SHTN1: variants seen among roughly 807,000 people sequenced by gnomAD.
SHTN1 encodes the protein shootin-1.
Under a neutral mutation model 83.1 loss-of-function variants are expected in SHTN1, and 42 were observed. That is an observed-to-expected ratio of 0.51 (90% CI 0.39 to 0.65). The LOEUF (loss-of-function observed/expected upper bound fraction) is 0.65. Among genes scored for constraint, SHTN1 ranks in the 30% least tolerant of loss-of-function variants. SHTN1 has a pLI of 0.00. For missense variants in SHTN1, 622 were observed against 737.8 expected (o/e 0.84, Z 1.82); for synonymous variants, 224 against 247.7 (o/e 0.90, Z 0.90).
rs1030948358 is a variant in SHTN1 at position 116,980,501 on chromosome 10, C to A, written c.59-1193G>T. Among the ~76,000 whole-genome samples the A allele has an allele frequency of 2.0e-5, 3 of 151,454 alleles. No homozygotes were observed. In the South Asian group the frequency reaches 6.2e-4, roughly 32 times the overall value. On this transcript the variant is annotated intron_variant, in intron 1 of 16. Coordinates refer to ENST00000355371, the MANE Select transcript of SHTN1 (RefSeq NM_001127211.3). Reference sequence around the variant, plus strand: ...GTAGAGATGGGGTCTTGCTATTTTGCCCAGCCTGGTCACAATTTGAACTTT... The same window carrying A: ...GTAGAGATGGGGTCTTGCTATTTTGACCAGCCTGGTCACAATTTGAACTTT...
At chr10:116,984,559 T>G (rs1413083330) in intron 1 of SHTN1, among the ~76,000 whole-genome samples, 1 of 152,152 alleles carries the variant, frequency 6.6e-6, no homozygotes, top group African/African-American at 2.4e-5. Flanking sequence ...GTCCTCAAGC[T>G]ACTACCTGCA....
At chr10:117,096,571 A>G (rs1486203003) in intron 1 of SHTN1, among the ~76,000 whole-genome samples, 1 of 152,256 alleles carries the variant, frequency 6.6e-6, no homozygotes, top group Non-Finnish European at 1.5e-5. Context: ...TTCAAATGGT[A>G]TTTGTTAGAT....
chr10:116,886,317 A>C lies in SHTN1; in HGVS notation c.*27T>G. The C allele has an allele frequency of 6.4e-7, 1 of 1,551,888 alleles. No homozygotes were observed. The highest frequency in any genetic ancestry group is 1.2e-5 in the South Asian group (1 of 84,056). On this transcript the variant is annotated 3_prime_UTR_variant, in exon 17 of 17. Transcript: ENST00000355371. ...CATGTGCTTATTGAAAAGGACTTCCAAACATGTCAGGCTTCTGGTTTATGG... is the reference window on the plus strand; with the variant it reads ...CATGTGCTTATTGAAAAGGACTTCCCAACATGTCAGGCTTCTGGTTTATGG...
intron 3 of SHTN1, 126 bp downstream of exon 3, chr10:116,968,526 A>G: frequency 6.4e-6 from 4 of 622,120 alleles, no homozygotes; most frequent in East Asian, 5.6e-5. Flanking sequence ...TTGGACAAAT[A>G]GAAAGAAGTC....
chr10:116,894,296 T>C (rs1847438313), intron 16 of SHTN1, among the ~76,000 whole-genome samples: 1 of 152,212 alleles, frequency 6.6e-6, no homozygotes, highest in African/African-American at 2.4e-5. Context: ...ATGGTTTCAC[T>C]GGAAATGAAC....
At chr10:117,068,679 T>A (rs1853039083) in intron 1 of SHTN1, among the ~76,000 whole-genome samples, 1 of 151,984 alleles carries the variant, frequency 6.6e-6, no homozygotes, top group Non-Finnish European at 1.5e-5. Flanking sequence ...CTTAATGACA[T>A]TAAATAATTA....
At position 116,979,244 on chromosome 10, in the gene SHTN1, T is replaced by C. The variant is rs1261539460; in HGVS notation, c.111+12A>G. The C allele has an allele frequency of 1.9e-6, 3 of 1,610,796 alleles. No homozygotes were observed. Among genetic ancestry groups the C allele is most frequent in the Non-Finnish European group, 2.5e-6 (3 of 1,177,134 alleles). On this transcript the variant is annotated intron_variant, in intron 2 of 16. Coordinates refer to ENST00000355371, the MANE Select transcript of SHTN1 (RefSeq NM_001127211.3). ...CATGTAAGAAAGGGGAAAAAAAAGG[T>C]AAAGTACAAACCTTCTCCTTTGTTT...
At chr10:116,904,670 A>G (rs1022987203) in intron 15 of SHTN1, among the ~76,000 whole-genome samples, 1 of 152,174 alleles carries the variant, frequency 6.6e-6, no homozygotes, top group South Asian at 2.1e-4. Flanking sequence ...AATTCCCACC[A>G]TGTTCATGAA....
intron 2 of SHTN1, among the ~76,000 whole-genome samples, chr10:117,038,781 G>A (rs1050249815): frequency 2.4e-4 from 37 of 152,118 alleles, no homozygotes; most frequent in African/African-American, 8.0e-4. Context: ...TTTAAAAAAC[G>A]ACAACGTGAT....
intron 1 of SHTN1, among the ~76,000 whole-genome samples, chr10:117,077,916 G>T (rs1853184545): frequency 6.6e-6 from 1 of 152,102 alleles, no homozygotes; most frequent in African/African-American, 2.4e-5. Flanking sequence ...AGTTTACAAT[G>T]GGTAACTCAT....
chr10:116,966,662 C>T (rs1421157645), intron 3 of SHTN1, among the ~76,000 whole-genome samples: 1 of 152,190 alleles, frequency 6.6e-6, no homozygotes, highest in African/African-American at 2.4e-5. Flanking sequence ...GGGAATGTTG[C>T]TTCTGGTTTT....
chr10:117,073,558 G>A (rs1334553984), intron 1 of SHTN1, among the ~76,000 whole-genome samples: 1 of 152,188 alleles, frequency 6.6e-6, no homozygotes, highest in African/African-American at 2.4e-5. Flanking sequence ...TTGCAGGTGA[G>A]GAGGATAAAA....
At chr10:116,917,492 C>T (rs551444514) in intron 12 of SHTN1, among the ~76,000 whole-genome samples, 24 of 152,014 alleles carry the variant, frequency 1.6e-4, no homozygotes, top group East Asian at 5.8e-4. Flanking sequence ...TTAGTAGAGA[C>T]GGGGTTTCAC....
intron 15 of SHTN1, among the ~76,000 whole-genome samples, chr10:116,905,409 G>T (rs1022908039): frequency 1.3e-5 from 2 of 152,050 alleles, no homozygotes; most frequent in Non-Finnish European, 2.9e-5. Context: ...AGTTGTTTTG[G>T]GGGGCACAGT....
At chr10:117,107,212 A>G (rs1853683702) in intron 1 of SHTN1, among the ~76,000 whole-genome samples, 1 of 152,226 alleles carries the variant, frequency 6.6e-6, no homozygotes, top group African/African-American at 2.4e-5. Context: ...CCTAAAATGT[A>G]GAATATCACT....
chr10:116,916,232 A>T (rs1848378764), intron 12 of SHTN1, among the ~76,000 whole-genome samples: 1 of 152,240 alleles, frequency 6.6e-6, no homozygotes, highest in Non-Finnish European at 1.5e-5. Context: ...TATCAATTGG[A>T]TGAATGTAAC....
intron 1 of SHTN1, among the ~76,000 whole-genome samples, chr10:116,994,436 A>G (rs1386576928): frequency 6.6e-6 from 1 of 152,106 alleles, no homozygotes; most frequent in Non-Finnish European, 1.5e-5. Flanking sequence ...GTCTTTTTTA[A>G]AAGATTTTCC....
intron 1 of SHTN1, among the ~76,000 whole-genome samples, chr10:117,064,875 T>C (rs1057332996): frequency 2.0e-5 from 3 of 152,168 alleles, no homozygotes; most frequent in East Asian, 1.9e-4. Flanking sequence ...AGCTGAACTA[T>C]GCAAATTGTT....
At chr10:117,126,394 G>A (rs962228813) in exon 1 of SHTN1, 1 of 182,784 alleles carries the variant, frequency 5.5e-6, no homozygotes, top group African/African-American at 2.4e-5. Context: ...CACAGGAGGA[G>A]AGCTCCAGGA....
Sources: allele counts gnomAD v4.1 joint callset (sites outside exome capture counted in the v4.1 genomes callset), GRCh38; gene constraint gnomAD v4.1.1; transcripts MANE v1.5; gene names NCBI Gene and HGNC (gene_info 2026-07-23, HGNC 2026-07-21).